PRKCB: variants seen among roughly 807,000 people sequenced by gnomAD.
The protein encoded by PRKCB is protein kinase C beta.
A neutral mutation model predicts 81.5 loss-of-function variants in PRKCB; 13 were observed. The observed-to-expected ratio is 0.16, with a 90% CI of 0.10 to 0.25. PRKCB has a LOEUF of 0.25. Among genes scored for constraint, PRKCB ranks in the 10% least tolerant of loss-of-function variants. PRKCB has a pLI of 1.00. For synonymous variants in PRKCB, 335 were observed against 321.4 expected (o/e 1.04, Z -0.45); for missense variants, 509 against 875.7 (o/e 0.58, Z 5.29).
chr16:23,948,909 G>C (rs1028713232), intron 2 of PRKCB, among the ~76,000 whole-genome samples: 1 of 152,088 alleles, frequency 6.6e-6, no homozygotes, highest in African/African-American at 2.4e-5. Context: ...AGATTTGTGG[G>C]TGTGGAAAGG....
In PRKCB at chr16:24,216,438, C is replaced by T. The variant is rs2141996927; in HGVS notation, c.*1622C>T. On this transcript the variant is annotated 3_prime_UTR_variant, in exon 17 of 17. Coordinates refer to ENST00000643927, the MANE Select transcript of PRKCB (RefSeq NM_002738.7). ...TTAAGGCAGCAGGTGACTCCCCCTC[C>T]TCGCCTGCCGTGTCCTGCTATTCTC... 2 of 985,452 alleles carry T rather than the reference C, an allele frequency of 2.0e-6. No individual in the cohort carries two copies. Among genetic ancestry groups the T allele is most frequent in the Non-Finnish European group, 2.4e-6 (2 of 829,936 alleles). The allele number at this position is 985,452 out of a possible 1,614,324, so 61.0% of individuals were successfully genotyped here.
rs558531104 is a variant in PRKCB at position 24,211,571 on chromosome 16, T to C, written c.1864-3087T>C. ...CTACAGACTCACTTTTTTTTTTTTT[T>C]TTTTGCGATGGAGTTTCCCTTTTGT... On this transcript the variant is annotated intron_variant, in intron 16 of 16. Transcript: ENST00000643927. Among the ~76,000 whole-genome samples, 11 of 151,826 alleles carry C rather than the reference T, an allele frequency of 7.2e-5. No homozygotes were observed. In the East Asian group the frequency reaches 1.6e-3, roughly 21 times the overall value.
In PRKCB at chr16:24,219,103, T is replaced by C; in HGVS notation, c.*4287T>C. 1 of 985,420 alleles carries C rather than the reference T, an allele frequency of 1.0e-6. No homozygotes were observed. Among genetic ancestry groups the C allele is most frequent in the Non-Finnish European group, 1.2e-6 (1 of 829,956 alleles). 61.0% of individuals were successfully genotyped at this position (985,420 alleles called of 1,614,324 possible). A position where few individuals can be genotyped will look rare whatever the true frequency, so the allele number is the denominator to read the frequency against. On this transcript the variant is annotated 3_prime_UTR_variant, in exon 17 of 17. Coordinates refer to ENST00000643927, the MANE Select transcript of PRKCB (RefSeq NM_002738.7). ...GGTCGGAGCATCATACAGATTCCTT[T>C]ATTAGCCCACATTCTGATGTTCCCT... is the stretch of plus-strand genomic sequence containing the variant.
intron 16 of PRKCB, 92 bp from the exon 17 acceptor site, chr16:24,214,566 C>A: frequency 2.0e-6 from 2 of 1,021,492 alleles, no homozygotes; most frequent in Non-Finnish European, 2.9e-6. Flanking sequence ...TGGAGAAAAG[C>A]ACACCCAATT....
In PRKCB at chr16:24,033,400, GC is replaced by G. The variant is rs1397106103; in HGVS notation, c.400+1154del. Among the ~76,000 whole-genome samples the G allele has an allele frequency of 2.6e-5, 4 of 152,278 alleles. No homozygotes were observed. In the East Asian group the frequency reaches 7.7e-4, roughly 29 times the overall value. On this transcript the variant is annotated intron_variant, in intron 4 of 16. Transcript: ENST00000643927. ...ACCCTAACACAGGGAGGAATGTGGG[GC>G]GTGGAAGCTACAGAGAGACTCAGCT... is the stretch of plus-strand genomic sequence containing the variant.
At position 24,115,191 on chromosome 16, in the gene PRKCB, G is replaced by C. The variant is rs945213085; in HGVS notation, c.918+2122G>C. Among the ~76,000 whole-genome samples the C allele has an allele frequency of 1.2e-4, 18 of 151,680 alleles. No individual in the cohort carries two copies. In the East Asian group the frequency reaches 2.5e-3, roughly 21 times the overall value. ...CGTAGGGCTGTGCTGGCCTTGACAA[G>C]GATTTTAGCATTTATCCCAAGAGTA... On this transcript the variant is annotated intron_variant, in intron 8 of 16. Transcript: ENST00000643927.
At chr16:24,178,603 C>A (rs996256967) in intron 12 of PRKCB, among the ~76,000 whole-genome samples, 1 of 152,194 alleles carries the variant, frequency 6.6e-6, no homozygotes, top group Non-Finnish European at 1.5e-5. Flanking sequence ...AAGCAAATTG[C>A]TGCAAAGCCT....
intron 2 of PRKCB, among the ~76,000 whole-genome samples, chr16:23,946,697 T>C (rs1964207491): frequency 6.6e-6 from 1 of 152,194 alleles, no homozygotes; most frequent in African/African-American, 2.4e-5. Context: ...AACTTTAGCG[T>C]GCAGAAGAAT....
chr16:24,001,122 A>G (rs74015224), intron 3 of PRKCB, among the ~76,000 whole-genome samples: 3,936 of 152,208 alleles, frequency 0.026, 145 homozygotes, highest in African/African-American at 0.089. Context: ...CTCCTGCTCT[A>G]TAAGGGATAC....
chr16:24,037,632 G>A (rs1965640622), intron 5 of PRKCB, among the ~76,000 whole-genome samples: 1 of 152,046 alleles, frequency 6.6e-6, no homozygotes, highest in Non-Finnish European at 1.5e-5. Context: ...TTTGGCTAGG[G>A]CACCTCCTAT....
At chr16:24,158,936 C>T (rs1967211823) in intron 10 of PRKCB, among the ~76,000 whole-genome samples, 1 of 152,164 alleles carries the variant, frequency 6.6e-6, no homozygotes, top group Non-Finnish European at 1.5e-5. Flanking sequence ...GCTGGGATTA[C>T]AAGTATGAGC....
chr16:23,837,521 C>A, intron 2 of PRKCB, 115 bp downstream of exon 2: 1 of 1,315,238 alleles, frequency 7.6e-7, no homozygotes. Context: ...TCGGAGTGAC[C>A]TCCCAGGCTA....
intron 6 of PRKCB, 104 bp downstream of exon 6, chr16:24,093,051 C>A: frequency 1.7e-6 from 2 of 1,211,126 alleles, no homozygotes; most frequent in Non-Finnish European, 2.3e-6. Flanking sequence ...CCTTCCTTCC[C>A]TACCTCCCTC....
intron 5 of PRKCB, among the ~76,000 whole-genome samples, chr16:24,053,254 A>T (rs766341109): frequency 2.7e-4 from 41 of 152,262 alleles, no homozygotes; most frequent in Non-Finnish European, 4.8e-4. Context: ...GTCAGAGAAC[A>T]AGCCAAAGTC....
intron 9 of PRKCB, among the ~76,000 whole-genome samples, chr16:24,147,456 T>G (rs934768105): frequency 6.6e-6 from 1 of 152,100 alleles, no homozygotes; most frequent in Admixed American, 6.6e-5. Flanking sequence ...ATAGAGCTTG[T>G]AGACCTGATG....
chr16:23,849,810 T>C (rs73537035), intron 2 of PRKCB, among the ~76,000 whole-genome samples: 3,983 of 152,310 alleles, frequency 0.026, 161 homozygotes, highest in African/African-American at 0.092. Flanking sequence ...AATATAACCA[T>C]CAGCTTGTTT....
chr16:24,167,942 G>A (rs1967373087), intron 10 of PRKCB, among the ~76,000 whole-genome samples: 2 of 152,218 alleles, frequency 1.3e-5, no homozygotes, highest in South Asian at 2.1e-4. Context: ...AGAGGGACAA[G>A]TGAGACAAAA....
intron 2 of PRKCB, among the ~76,000 whole-genome samples, chr16:23,855,174 G>C (rs1198868635): frequency 1.3e-5 from 2 of 152,144 alleles, no homozygotes; most frequent in African/African-American, 4.8e-5. Context: ...AGGAGAGAGA[G>C]AGAGAGAGAG....
intron 4 of PRKCB, among the ~76,000 whole-genome samples, chr16:24,032,798 T>G (rs1965566098): frequency 6.6e-6 from 1 of 152,192 alleles, no homozygotes; most frequent in Non-Finnish European, 1.5e-5. Context: ...TCAAAGCAAG[T>G]GGCATGTGAG....
Sources: allele counts gnomAD v4.1 joint callset (sites outside exome capture counted in the v4.1 genomes callset), GRCh38; gene constraint gnomAD v4.1.1; transcripts MANE v1.5; gene names NCBI Gene and HGNC (gene_info 2026-07-23, HGNC 2026-07-21).